The following MIGA1 variants were observed in gnomAD, a reference collection of about 807,000 sequenced individuals.
The protein encoded by MIGA1 is family with sequence similarity 73, member A.
A neutral mutation model predicts 82.0 loss-of-function variants in MIGA1; 58 were observed. The observed-to-expected ratio is 0.71, with a 90% CI of 0.57 to 0.88. MIGA1 has a LOEUF of 0.88. Among genes scored for constraint, MIGA1 ranks in the 40% least tolerant of loss-of-function variants. MIGA1 has a pLI of 0.00. For missense variants in MIGA1, 751 were observed against 749.1 expected (o/e 1.00, Z -0.03); for synonymous variants, 249 against 253.6 (o/e 0.98, Z 0.17).
intron 2 of MIGA1, among the ~76,000 whole-genome samples, chr1:77,792,560 G>A (rs1344769846): frequency 2.0e-5 from 3 of 152,056 alleles, no homozygotes; most frequent in African/African-American, 7.2e-5. Context: ...TAAGACTAGA[G>A]AAAAAGGATA....
intron 2 of MIGA1, among the ~76,000 whole-genome samples, chr1:77,783,654 A>G (rs761324615): frequency 6.6e-6 from 1 of 152,192 alleles, no homozygotes; most frequent in African/African-American, 2.4e-5. Context: ...ACTATTAACA[A>G]TCCTTTAAAT....
Position 77,877,243 on chromosome 1 carries a change from T to G in MIGA1, c.*2179T>G, listed in dbSNP as rs1646901110. On this transcript the variant is annotated 3_prime_UTR_variant, in exon 16 of 16. Coordinates refer to ENST00000370791, the MANE Select transcript of MIGA1 (RefSeq NM_198549.4). The stretch of plus-strand genomic sequence containing the variant: ...CGGGAAAAGCATAATCTTTTAAGAT[T>G]TGTAATTTTCTGTATGTGCCACATT... 1 of 152,222 alleles carries G rather than the reference T, an allele frequency of 6.6e-6. No individual in the cohort carries two copies. The highest frequency in any genetic ancestry group is 2.1e-4 in the South Asian group (1 of 4,830). The allele number at this position is 152,222 out of a possible 1,614,324, so 9.4% of individuals were successfully genotyped here.
intron 8 of MIGA1, among the ~76,000 whole-genome samples, chr1:77,846,690 G>A (rs1394245331): frequency 6.6e-6 from 1 of 151,248 alleles, no homozygotes; most frequent in Non-Finnish European, 1.5e-5. Flanking sequence ...GCTCACACCT[G>A]TAATCCCAGC....
At chr1:77,809,199 G>A (rs1292955165) in intron 5 of MIGA1, among the ~76,000 whole-genome samples, 3 of 152,056 alleles carry the variant, frequency 2.0e-5, no homozygotes. Context: ...GACGCCACAG[G>A]GGGGTCTTTG....
intron 6 of MIGA1, 47 bp downstream of exon 6, chr1:77,813,914 A>C: frequency 6.3e-7 from 1 of 1,599,448 alleles, no homozygotes; most frequent in Non-Finnish European, 8.5e-7. Context: ...AGAAGAATCA[A>C]ACTTTTTTTT....
At chr1:77,821,003 G>A (rs760693779) in intron 7 of MIGA1, among the ~76,000 whole-genome samples, 141 of 151,934 alleles carry the variant, frequency 9.3e-4, no homozygotes, top group Non-Finnish European at 1.8e-3. Flanking sequence ...GTGTGGTGGC[G>A]GATGCCTGTA....
At chr1:77,793,082 C>T (rs1337686840) in intron 2 of MIGA1, among the ~76,000 whole-genome samples, 1 of 151,612 alleles carries the variant, frequency 6.6e-6, no homozygotes. Context: ...TGAGCCACAG[C>T]ACCCGGCCTG....
chr1:77,799,403 A>G (rs1682784225), intron 2 of MIGA1, among the ~76,000 whole-genome samples: 1 of 152,188 alleles, frequency 6.6e-6, no homozygotes. Flanking sequence ...TTAAGCCATG[A>G]TGTTTGGTAG....
At chr1:77,829,888 AC>A (rs1232220808) in intron 7 of MIGA1, among the ~76,000 whole-genome samples, 9 of 66,548 alleles carry the variant, frequency 1.4e-4, no homozygotes, top group Admixed American at 1.3e-3. Context: ...AAGCCCCCCC[AC>A]CCCCCACCGT....
intron 7 of MIGA1, among the ~76,000 whole-genome samples, chr1:77,816,397 A>T (rs1484469812): frequency 2.6e-5 from 4 of 152,212 alleles, no homozygotes; most frequent in Admixed American, 2.0e-4. Flanking sequence ...GAAGAGGATT[A>T]TTATTTTCCA....
rs2101680611 is a variant in MIGA1, at chr1:77,784,025, G to T, written c.195+674G>T. 2.0e-5 allele frequency among the ~76,000 whole-genome samples: 3 copies of T among 152,228 alleles called. No homozygotes were observed. In the South Asian group the frequency reaches 6.2e-4, roughly 32 times the overall value. On this transcript the variant is annotated intron_variant, in intron 2 of 15. Transcript: ENST00000370791. ...TTTTAAGGTAGAATAATATTTCGTT[G>T]TGTGGATATACTACATTTTGCTTAT...
intron 2 of MIGA1, among the ~76,000 whole-genome samples, chr1:77,796,678 ACACTGTCACTTAGGT>A (rs1570929709): frequency 1.3e-5 from 2 of 152,322 alleles, no homozygotes. Context: ...TCCAGGCAAA[ACACTGTCACTTAGGT>A]CAGCGCCTTT....
intron 8 of MIGA1, among the ~76,000 whole-genome samples, chr1:77,844,113 A>AAAAAATAT (rs1296124524): frequency 6.0e-4 from 54 of 90,116 alleles, no homozygotes; most frequent in East Asian, 3.5e-3. Flanking sequence ...AAAAAAAAAA[A>AAAAAATAT]ATATATATAT....
At chr1:77,872,535 A>C (rs933996578) in intron 14 of MIGA1, among the ~76,000 whole-genome samples, 2 of 152,148 alleles carry the variant, frequency 1.3e-5, no homozygotes, top group Admixed American at 6.5e-5. Flanking sequence ...TGGGAAGTTG[A>C]GGCTGCAGTG....
At chr1:77,833,105 T>G (rs1684304844) in intron 7 of MIGA1, among the ~76,000 whole-genome samples, 2 of 152,196 alleles carry the variant, frequency 1.3e-5, no homozygotes, top group African/African-American at 4.8e-5. Flanking sequence ...AGGAAATACC[T>G]CAGCCTAACA....
chr1:77,867,630 CAT>C (rs1345629117), intron 14 of MIGA1, among the ~76,000 whole-genome samples: 4 of 152,170 alleles, frequency 2.6e-5, no homozygotes, highest in Non-Finnish European at 4.4e-5. Context: ...GCCTAGCCCT[CAT>C]AGGGTTTCTT....
chr1:77,843,240 A>G (rs897740706), intron 7 of MIGA1, 67 bp from the exon 8 acceptor site: 25 of 1,153,054 alleles, frequency 2.2e-5, no homozygotes, highest in South Asian at 8.0e-5. Flanking sequence ...AAATCAAACT[A>G]TGGAATGTGA....
At chr1:77,788,841 T>G (rs369838946) in intron 2 of MIGA1, among the ~76,000 whole-genome samples, 1 of 152,310 alleles carries the variant, frequency 6.6e-6, no homozygotes, top group South Asian at 2.1e-4. Flanking sequence ...TTAGGAAATG[T>G]GAGTCCTCCA....
intron 6 of MIGA1, 60 bp from the exon 7 acceptor site, chr1:77,815,048 A>T: frequency 8.3e-7 from 1 of 1,209,908 alleles, no homozygotes; most frequent in Non-Finnish European, 1.1e-6. Flanking sequence ...AGTGGGAAAA[A>T]TATTTAGAAT....
Sources: gnomAD v4.1 joint callset for allele counts (sites outside exome capture counted in the v4.1 genomes callset) on GRCh38, gnomAD v4.1.1 for gene constraint, MANE v1.5 for transcripts, NCBI Gene and HGNC (gene_info 2026-07-23, HGNC 2026-07-21) for gene names.